ZNF701: variants seen among roughly 807,000 people sequenced by gnomAD.
The protein encoded by ZNF701 is zinc finger protein 701.
In ZNF701, 6 loss-of-function variants were observed where a neutral mutation model predicts 7.1. The observed-to-expected ratio is 0.84, with a 90% CI of 0.46 to 1.66. The LOEUF (loss-of-function observed/expected upper bound fraction) is 1.66. Ranked by LOEUF, ZNF701 falls within the 40% of genes most tolerant of loss-of-function variation. The probability of loss-of-function intolerance (pLI) is 0.01; values close to 1 mark genes in which losing one functional copy is unlikely to be tolerated. For missense variants in ZNF701, 541 were observed against 559.2 expected (o/e 0.97, Z 0.33); for synonymous variants, 166 against 188.2 (o/e 0.88, Z 0.97).
In ZNF701 at chr19:52,583,746, A is replaced by T; in HGVS notation, c.*289A>T. 2.9e-6 allele frequency: 2 copies of T among 690,158 alleles called. No individual in the cohort carries two copies. Among genetic ancestry groups the T allele is most frequent in the South Asian group, 1.6e-5 (1 of 61,190 alleles). The allele number at this position is 690,158 out of a possible 1,614,324, so 42.8% of individuals were successfully genotyped here. ...TGGCAGAGCCTTTGGTGGTCAGTCA[A>T]CACTTACTCACCATCAAGCAATCCA... is the stretch of plus-strand genomic sequence containing the variant. On this transcript the variant is annotated 3_prime_UTR_variant, in exon 4 of 4. Transcript: ENST00000391785.
At chr19:52,577,717 A>AG (rs1478813041) in intron 3 of ZNF701, among the ~76,000 whole-genome samples, 1 of 151,986 alleles carries the variant, frequency 6.6e-6, no homozygotes, top group Non-Finnish European at 1.5e-5. Context: ...AGACCGCGAA[A>AG]GGGGGTCTCC....
At chr19:52,598,400 G>A in the ZNF701 span, among the ~76,000 whole-genome samples, 4 of 152,134 alleles carry the variant, frequency 2.6e-5, no homozygotes, top group Non-Finnish European at 1.5e-5. Context: ...CAGGCGGGGC[G>A]AGCTCCCCTC....
intron 3 of ZNF701, among the ~76,000 whole-genome samples, chr19:52,581,403 A>G (rs751586575): frequency 6.6e-6 from 1 of 151,752 alleles, no homozygotes; most frequent in Non-Finnish European, 1.5e-5. Flanking sequence ...TATGTTTAGT[A>G]GAGAAGAGGT....
chr19:52,589,604 C>T (rs140725442), downstream of ZNF701, among the ~76,000 whole-genome samples: 59 of 151,682 alleles, frequency 3.9e-4, no homozygotes, highest in African/African-American at 1.4e-3. Context: ...CTCAGCCTCC[C>T]GAGTAGCTGG....
chr19:52,578,883 G>T (rs375644910), intron 3 of ZNF701, among the ~76,000 whole-genome samples: 1 of 151,984 alleles, frequency 6.6e-6, no homozygotes, highest in African/African-American at 2.4e-5. Context: ...TCAGCCTCCC[G>T]AGTACCTGGG....
intron 1 of ZNF701, among the ~76,000 whole-genome samples, chr19:52,571,832 T>C (rs1310949578): frequency 2.6e-5 from 4 of 151,408 alleles, no homozygotes; most frequent in African/African-American, 9.7e-5. Context: ...CCTTTTTGGT[T>C]TTTTTTTTGA....
rs1313783063 is a variant in ZNF701 at position 52,584,803 on chromosome 19, A to T, written c.*1346A>T. On this transcript the variant is annotated 3_prime_UTR_variant, in exon 4 of 4. Coordinates refer to ENST00000391785, the MANE Select transcript of ZNF701 (RefSeq NM_018260.3). ...TCCACTGAATGTGTTGATTAGTTCC[A>T]GTAGTATTTTGGTTGACTCAGGCCC... 1 of 152,140 alleles carries T rather than the reference A, an allele frequency of 6.6e-6. No homozygotes were observed. The highest frequency in any genetic ancestry group is 1.9e-4 in the East Asian group (1 of 5,186). 9.4% of individuals were successfully genotyped at this position (152,140 alleles called of 1,614,324 possible).
chr19:52,581,063 G>A (rs991279819), intron 3 of ZNF701, among the ~76,000 whole-genome samples: 12 of 152,046 alleles, frequency 7.9e-5, no homozygotes, highest in African/African-American at 2.9e-4. Flanking sequence ...GGCAGAGGCT[G>A]CAGTGAGCCA....
At chr19:52,581,750 T>C (rs1164936707) in intron 3 of ZNF701, among the ~76,000 whole-genome samples, 1 of 152,230 alleles carries the variant, frequency 6.6e-6, no homozygotes. Flanking sequence ...TCCATTGATT[T>C]TGATTATCCT....
intron 3 of ZNF701, among the ~76,000 whole-genome samples, chr19:52,579,643 G>A (rs2059962570): frequency 7.1e-6 from 1 of 141,646 alleles, no homozygotes; most frequent in South Asian, 2.1e-4. Context: ...GGAGGCTGAG[G>A]TGGGCAGATC....
chr19:52,582,317 C>A lies in ZNF701; in HGVS notation c.258C>A (p.Cys86Ter), dbSNP rs754515388. ...IHASHHIGDT[C>*]FQEIEKDIHD... ...CAAGTCATCACATTGGAGATACTTGCTTCCAGGAAATTGAGAAAGATATTC... is the reference window on the plus strand; with the variant it reads ...CAAGTCATCACATTGGAGATACTTGATTCCAGGAAATTGAGAAAGATATTC... Residue 86 changes from cysteine to a stop codon, truncating the protein, a stop_gained, in exon 4 of 4, where the codon TGC becomes TGA. Transcript: ENST00000391785. LOFTEE classifies it low-confidence loss of function (END_TRUNC). 1 of 1,613,944 alleles carries A rather than the reference C, an allele frequency of 6.2e-7. No individual in the cohort carries two copies. Among genetic ancestry groups the A allele is most frequent in the Non-Finnish European group, 8.5e-7 (1 of 1,179,962 alleles).
chr19:52,574,004 T>C (rs2059916680), intron 1 of ZNF701, 73 bp from the exon 2 acceptor site: 1 of 1,486,936 alleles, frequency 6.7e-7, no homozygotes, highest in Admixed American at 1.9e-5. Flanking sequence ...AGGGCACCTT[T>C]GTATGTGTCA....
Position 52,575,867 on chromosome 19 carries a change from A to G in ZNF701, c.16-28A>G, listed in dbSNP as rs764498266. 14 of 1,375,770 alleles carry G rather than the reference A, an allele frequency of 1.0e-5. No individual in the cohort carries two copies. The South Asian group carries it at 1.6e-4, about 16-fold the overall frequency. The allele number at this position is 1,375,770 out of a possible 1,614,324, so 85.2% of individuals were successfully genotyped here. A position where few individuals can be genotyped will look rare whatever the true frequency, so the allele number is the denominator to read the frequency against. ...AAAGATAAGATCTCCTCCCATAACC[A>G]TTTGCTTAAAATGTGTTTTCCTTTC... On this transcript the variant is annotated intron_variant, in intron 2 of 3. Transcript: ENST00000391785.
intron 3 of ZNF701, among the ~76,000 whole-genome samples, chr19:52,579,383 T>C (rs1460163476): frequency 7.1e-6 from 1 of 140,190 alleles, no homozygotes; most frequent in Non-Finnish European, 1.5e-5. Flanking sequence ...ATTAGCCGGG[T>C]GTGGTGGCGG....
intron 2 of ZNF701, among the ~76,000 whole-genome samples, chr19:52,574,938 A>G (rs367838059): frequency 6.8e-6 from 1 of 147,074 alleles, no homozygotes; most frequent in African/African-American, 2.7e-5. Context: ...TCTTCAGTTA[A>G]ACAAAATTTG....
At chr19:52,575,603 C>A (rs1019174087) in intron 2 of ZNF701, 5 of 354,038 alleles carry the variant, frequency 1.4e-5, no homozygotes. Context: ...AAGGTCAAGC[C>A]GTCCTCCCAC....
intron 1 of ZNF701, chr19:52,572,721 C>G (rs1260681366): frequency 2.8e-6 from 1 of 352,932 alleles, no homozygotes; most frequent in Non-Finnish European, 5.4e-6. Context: ...TCCTGTGTTC[C>G]CCAGGACAAA....
chr19:52,581,025 G>T (rs2059971847), intron 3 of ZNF701, among the ~76,000 whole-genome samples: 1 of 152,028 alleles, frequency 6.6e-6, no homozygotes, highest in Admixed American at 6.6e-5. Flanking sequence ...TCAGGAGGCT[G>T]AGCAAAGAGA....
At chr19:52,598,734 C>T in the ZNF701 span, 2 of 152,342 alleles carry the variant, frequency 1.3e-5, no homozygotes, top group Non-Finnish European at 2.9e-5. Context: ...CATAGTAAGA[C>T]CTCATCTCTA....
Sources: allele counts gnomAD v4.1 joint callset (sites outside exome capture counted in the v4.1 genomes callset), GRCh38; gene constraint gnomAD v4.1.1; transcripts MANE v1.5; gene names NCBI Gene and HGNC (gene_info 2026-07-23, HGNC 2026-07-21).